RP1: variants seen among roughly 807,000 people sequenced by gnomAD.
RP1 encodes oxygen-regulated protein 1.
In RP1, 16 loss-of-function variants were observed where a neutral mutation model predicts 14.8. The observed-to-expected ratio is 1.08, with a 90% CI of 0.73 to 1.65. The LOEUF (loss-of-function observed/expected upper bound fraction) is 1.65, where lower values mean the gene tolerates loss of function less well. RP1 is among the 40% of genes most tolerant of loss of function. The pLI, the probability that RP1 is intolerant of heterozygous loss-of-function variation, is 0.00. For synonymous variants in RP1, 876 were observed against 883.6 expected, an observed-to-expected ratio of 0.99 and a Z score of 0.15; for missense variants, 2,631 against 2,535.0, an observed-to-expected ratio of 1.04 and a Z score of -0.81.
intron 1 of RP1, among the ~76,000 whole-genome samples, chr8:54,571,827 G>A (rs1401539240): frequency 2.0e-5 from 3 of 152,038 alleles, no homozygotes; most frequent in Non-Finnish European, 1.5e-5. Context: ...GCTTGAGGAA[G>A]TATCATCAAT....
In RP1 at chr8:54,625,720, C is replaced by T; in HGVS notation, c.1838C>T (p.Thr613Ile). The change falls in exon 4 of 4, where the codon ACC (threonine) becomes ATC (isoleucine). Residue 613 changes from threonine to isoleucine, a missense_variant. Thr to Ile is a moderately conservative substitution (Grantham distance 89, BLOSUM62 -1). Transcript: ENST00000220676. ...TTCAGTCCTATTTCAGCAGATGCAA[C>T]CCATTTTTCAAGTAATAACTCTGGA... is the stretch of plus-strand genomic sequence containing the variant. ...DRFSPISADA[T>I]HFSSNNSGTD... The T allele has an allele frequency of 1.9e-6, 3 of 1,614,010 alleles. No homozygotes were observed. The highest frequency in any genetic ancestry group is 1.3e-5 in the African/African-American group (1 of 75,024).
At chr8:54,577,300 G>A (rs1370614867) in intron 1 of RP1, among the ~76,000 whole-genome samples, 1 of 152,144 alleles carries the variant, frequency 6.6e-6, no homozygotes, top group Non-Finnish European at 1.5e-5. Flanking sequence ...ACAGGCGTGA[G>A]CTGCCGCACC....
Position 54,626,983 on chromosome 8 carries a change from A to G in RP1, c.3101A>G (p.His1034Arg), listed in dbSNP as rs148296108. ...TTGTCACAGTCAGCTATTAATGATC[A>G]TAATACTAAAAGTCATATAGCTGCT... ...CTLSQSAIND[H>R]NTKSHIAAEK... The change falls in exon 4 of 4, where the codon CAT becomes CGT. Residue 1034 changes from histidine to arginine, a missense_variant. Physicochemically the swap from His to Arg is conservative, Grantham distance 29. Transcript: ENST00000220676. The G allele has an allele frequency of 1.2e-6, 2 of 1,614,050 alleles. No homozygotes were observed. Among genetic ancestry groups the G allele is most frequent in the Non-Finnish European group, 1.7e-6 (2 of 1,179,984 alleles).
chr8:54,866,229 AACTTGGGTACC>A (rs1812455732), intron 28 of RP1, among the ~76,000 whole-genome samples: 1 of 152,162 alleles, frequency 6.6e-6, no homozygotes, highest in African/African-American at 2.4e-5. Flanking sequence ...TAGTACTGTG[AACTTGGGTACC>A]ACTCTTAACT....
intron 4 of RP1, chr8:54,649,276 T>C (rs1358539403): frequency 8.2e-6 from 6 of 732,094 alleles, no homozygotes; most frequent in Non-Finnish European, 9.6e-6. Flanking sequence ...AAATAATTTA[T>C]GGAAGTTTTT....
At chr8:54,655,110 C>T (rs1203891011) in intron 5 of RP1, among the ~76,000 whole-genome samples, 2 of 152,170 alleles carry the variant, frequency 1.3e-5, no homozygotes, top group Non-Finnish European at 2.9e-5. Context: ...TTTCTGTAAA[C>T]ATTTCATTAT....
chr8:54,826,712 A>G (rs1236127567), intron 24 of RP1, among the ~76,000 whole-genome samples: 1 of 152,206 alleles, frequency 6.6e-6, no homozygotes, highest in African/African-American at 2.4e-5. Flanking sequence ...AACCCTACAA[A>G]ATATTTACAA....
chr8:54,701,590 T>C (rs1312734714), exon 14 of RP1: 3 of 1,535,694 alleles, frequency 2.0e-6, no homozygotes, highest in Non-Finnish European at 2.6e-6. Context: ...TTTTTGATCG[T>C]CATGGCAAAA....
chr8:54,722,022 C>A (rs1434015608), intron 16 of RP1, among the ~76,000 whole-genome samples: 3 of 151,862 alleles, frequency 2.0e-5, no homozygotes, highest in Non-Finnish European at 2.9e-5. Flanking sequence ...ATGGGTGGAT[C>A]ACTTGAGGCC....
chr8:54,800,880 T>G (rs909825536), intron 24 of RP1, among the ~76,000 whole-genome samples: 1 of 152,216 alleles, frequency 6.6e-6, no homozygotes, highest in Non-Finnish European at 1.5e-5. Context: ...ACTATTCAGA[T>G]TGTGGTTTCC....
intron 27 of RP1, among the ~76,000 whole-genome samples, chr8:54,864,971 C>T (rs1022115091): frequency 6.6e-6 from 1 of 152,136 alleles, no homozygotes; most frequent in Non-Finnish European, 1.5e-5. Context: ...TATCTTCCTA[C>T]TTACCAATAT....
At chr8:54,591,194 T>C (rs959838092) in intron 1 of RP1, among the ~76,000 whole-genome samples, 4 of 152,170 alleles carry the variant, frequency 2.6e-5, no homozygotes, top group Non-Finnish European at 5.9e-5. Flanking sequence ...TTAAAATGTA[T>C]AACATCAAAA....
At chr8:54,692,215 G>C (rs372236689) in intron 12 of RP1, among the ~76,000 whole-genome samples, 5 of 150,832 alleles carry the variant, frequency 3.3e-5, no homozygotes, top group South Asian at 2.1e-4. Flanking sequence ...CCAGTCTATC[G>C]TTGTTGGACA....
chr8:54,711,096 G>A (rs1354006039), intron 15 of RP1, among the ~76,000 whole-genome samples: 5 of 152,168 alleles, frequency 3.3e-5, no homozygotes, highest in Admixed American at 3.3e-4. Flanking sequence ...TCAGTTCAGT[G>A]TCAATCCCCA....
At chr8:54,851,021 T>C (rs1425695351) in intron 25 of RP1, among the ~76,000 whole-genome samples, 1 of 152,202 alleles carries the variant, frequency 6.6e-6, no homozygotes, top group Non-Finnish European at 1.5e-5. Context: ...TTTTCTTTCT[T>C]TGAATTATTT....
intron 12 of RP1, among the ~76,000 whole-genome samples, chr8:54,688,663 C>T (rs200196694): frequency 6.6e-6 from 1 of 151,768 alleles, no homozygotes; most frequent in Non-Finnish European, 1.5e-5. Context: ...CTCTGTTCCA[C>T]TGGTCTATAT....
intron 19 of RP1, among the ~76,000 whole-genome samples, chr8:54,741,858 C>A (rs1257922064): frequency 1.3e-5 from 2 of 149,638 alleles, no homozygotes; most frequent in African/African-American, 4.9e-5. Context: ...GCAGTAATAA[C>A]AATAATAATA....
chr8:54,856,550 G>C (rs536941164), intron 26 of RP1, among the ~76,000 whole-genome samples: 1 of 152,312 alleles, frequency 6.6e-6, no homozygotes, highest in East Asian at 1.9e-4. Flanking sequence ...TCCTGAGTCT[G>C]AGACTTGGCT....
chr8:54,643,827 C>T (rs1240084957), intron 3 of RP1, among the ~76,000 whole-genome samples: 1 of 152,138 alleles, frequency 6.6e-6, no homozygotes, highest in African/African-American at 2.4e-5. Context: ...CACTCTTCCT[C>T]TGTCTCTGTA....
Sources: allele counts gnomAD v4.1 joint callset (sites outside exome capture counted in the v4.1 genomes callset), GRCh38; gene constraint gnomAD v4.1.1; transcripts MANE v1.5; gene names NCBI Gene and HGNC (gene_info 2026-07-23, HGNC 2026-07-21).